The following PRKCA variants were observed in gnomAD, a reference collection of about 807,000 sequenced individuals.
The protein encoded by PRKCA is protein kinase C alpha, also known as protein kinase C alpha type.
Under a neutral mutation model 87.0 loss-of-function variants are expected in PRKCA, and 27 were observed. The observed-to-expected ratio is 0.31, with a 90% CI of 0.23 to 0.43. The LOEUF is 0.43. PRKCA is among the 20% of genes least tolerant of loss of function. PRKCA has a pLI of 1.00. For synonymous variants in PRKCA, 329 were observed against 311.1 expected (o/e 1.06, Z -0.61); for missense variants, 518 against 852.3 (o/e 0.61, Z 4.88).
chr17:66,550,434 T>TG (rs1279245312), intron 3 of PRKCA, among the ~76,000 whole-genome samples: 2 of 152,164 alleles, frequency 1.3e-5, no homozygotes, highest in Non-Finnish European at 2.9e-5. Context: ...GTAGATCACC[T>TG]GAGTTCAGGA....
chr17:66,784,229 G>A (rs977648123), intron 14 of PRKCA, among the ~76,000 whole-genome samples: 5 of 151,982 alleles, frequency 3.3e-5, no homozygotes, highest in Non-Finnish European at 7.4e-5. Context: ...TGCAGGCCAC[G>A]CCCTCAGCAG....
In PRKCA at chr17:66,803,901, A is replaced by G; in HGVS notation, c.1883A>G (p.Lys628Arg). 3 of 1,613,886 alleles carry G rather than the reference A, an allele frequency of 1.9e-6. No homozygotes were observed. Among genetic ancestry groups the G allele is most frequent in the Non-Finnish European group, 2.5e-6 (3 of 1,179,864 alleles). ...GGCAAAGGAGCAGAGAACTTTGACA[A>G]GTTCTTCACACGAGGACAGCCCGTC... is the stretch of plus-strand genomic sequence containing the variant. Reference protein sequence around the residue: ...VCGKGAENFDKFFTRGQPVLT... With the variant: ...VCGKGAENFDRFFTRGQPVLT... Residue 628 changes from lysine (K) to arginine (R), a missense_variant, in exon 17 of 17, where the codon AAG becomes AGG. Around this residue, in one of 5 missense-constraint regions of PRKCA, gnomAD observed 159 missense variants for 232.4 expected, o/e 0.68. Transcript: ENST00000413366. This position sits in a 1 kb window ranked among gnomAD's most constrained non-coding sequence, Gnocchi z 4.4.
At chr17:66,381,132 G>T (rs1192924880) in intron 2 of PRKCA, among the ~76,000 whole-genome samples, 2 of 151,870 alleles carry the variant, frequency 1.3e-5, no homozygotes, top group Non-Finnish European at 2.9e-5. Flanking sequence ...TGTAGAGCTG[G>T]GGTCTCGCTA....
chr17:66,438,377 C>T (rs1209040411), intron 2 of PRKCA, among the ~76,000 whole-genome samples: 1 of 152,094 alleles, frequency 6.6e-6, no homozygotes, highest in African/African-American at 2.4e-5. Context: ...GACACGTGCC[C>T]TTGTGAAATG....
In PRKCA at chr17:66,786,944, G is replaced by A; in HGVS notation, c.1683G>A (p.Leu561=). 6.2e-7 allele frequency: 1 copy of A among 1,613,636 alleles called. No homozygotes were observed. Among genetic ancestry groups the A allele is most frequent in the Non-Finnish European group, 8.5e-7 (1 of 1,179,574 alleles). ...MEHNVSYPKS[L]SKEAVSVCKG... ...ACAACGTTTCCTATCCAAAATCCTT[G>A]TCCAAGGAGGCTGTTTCTGTCTGCA... Residue 561 remains leucine, a synonymous_variant, in exon 15 of 17, where the codon TTG becomes TTA. Transcript: ENST00000413366.
At chr17:66,588,536 T>C (rs1393679310) in intron 3 of PRKCA, among the ~76,000 whole-genome samples, 5 of 152,038 alleles carry the variant, frequency 3.3e-5, no homozygotes, top group Non-Finnish European at 7.4e-5. Flanking sequence ...TGAGACAAGT[T>C]GGTGGTGTGT....
intron 13 of PRKCA, among the ~76,000 whole-genome samples, chr17:66,751,351 T>A (rs1035540545): frequency 1.7e-4 from 26 of 152,214 alleles, no homozygotes; most frequent in Non-Finnish European, 3.4e-4. Context: ...AGATGGCACA[T>A]GGCAGGGGCA....
At chr17:66,801,017 T>C (rs4791036) in intron 16 of PRKCA, among the ~76,000 whole-genome samples, 29,466 of 152,170 alleles carry the variant, frequency 0.19, 4,309 homozygotes, top group African/African-American at 0.41. Context: ...CAATAAGCAT[T>C]GATGAATCAG....
At chr17:66,737,745 CG>C (rs1444297980) in intron 10 of PRKCA, among the ~76,000 whole-genome samples, 2 of 152,202 alleles carry the variant, frequency 1.3e-5, no homozygotes, top group Non-Finnish European at 2.9e-5. Context: ...AATCAAGTCA[CG>C]CCAGGGAGAG....
chr17:66,549,513 C>G (rs975923045), intron 3 of PRKCA, among the ~76,000 whole-genome samples: 16 of 152,140 alleles, frequency 1.1e-4, no homozygotes, highest in African/African-American at 3.6e-4. Context: ...GGCCACGGGA[C>G]GGGAATGACA....
chr17:66,731,351 GA>G (rs5821509), intron 8 of PRKCA, among the ~76,000 whole-genome samples: 54,372 of 112,294 alleles, frequency 0.48, 12,952 homozygotes, highest in Non-Finnish European at 0.58. Context: ...CTCCGTCTCA[GA>G]AAAAAAAAAA....
intron 2 of PRKCA, among the ~76,000 whole-genome samples, chr17:66,410,224 A>G (rs1020362733): frequency 8.9e-5 from 13 of 146,368 alleles, no homozygotes; most frequent in Non-Finnish European, 1.4e-4. Flanking sequence ...TTTTTTGATT[A>G]ATGATTTTTT....
intron 2 of PRKCA, among the ~76,000 whole-genome samples, chr17:66,358,479 T>C (rs72846612): frequency 0.045 from 6,793 of 152,166 alleles, 233 homozygotes; most frequent in Admixed American, 0.078. Context: ...CATGTGTGAA[T>C]TAATAGATGG....
intron 16 of PRKCA, among the ~76,000 whole-genome samples, chr17:66,791,885 G>A (rs1196019282): frequency 6.6e-6 from 1 of 152,264 alleles, no homozygotes; most frequent in African/African-American, 2.4e-5. Flanking sequence ...GGTGAAAAAT[G>A]TACTGTAGTT....
chr17:66,656,887 G>A (rs1971748572), intron 5 of PRKCA, among the ~76,000 whole-genome samples: 1 of 152,242 alleles, frequency 6.6e-6, no homozygotes, highest in African/African-American at 2.4e-5. Context: ...CTGTCCTATG[G>A]TCCTTTTCAA....
intron 2 of PRKCA, among the ~76,000 whole-genome samples, chr17:66,365,521 T>C (rs1445858386): frequency 6.6e-6 from 1 of 152,232 alleles, no homozygotes; most frequent in Non-Finnish European, 1.5e-5. Context: ...GGCTTCCCTT[T>C]ACTGATGATT....
chr17:66,583,808 G>C (rs932743510), intron 3 of PRKCA, among the ~76,000 whole-genome samples: 1 of 152,302 alleles, frequency 6.6e-6, no homozygotes, highest in Non-Finnish European at 1.5e-5. Context: ...GCCTGAAGCT[G>C]TTACAGTCTG....
intron 4 of PRKCA, among the ~76,000 whole-genome samples, chr17:66,642,971 C>T (rs572296616): frequency 2.4e-4 from 37 of 152,164 alleles, no homozygotes; most frequent in Admixed American, 1.6e-3. Context: ...ACCCAGGAGG[C>T]GGCGGTTGCT....
chr17:66,530,325 A>G (rs1967495613), intron 3 of PRKCA, among the ~76,000 whole-genome samples: 2 of 152,240 alleles, frequency 1.3e-5, no homozygotes, highest in South Asian at 4.1e-4. Context: ...ATATATGCAT[A>G]CATGGATGGC....
Sources: gnomAD v4.1 joint callset for allele counts (sites outside exome capture counted in the v4.1 genomes callset) on GRCh38, gnomAD v4.1.1 for gene constraint, gnomAD v4.1.1 regional missense constraint, Gnocchi (gnomAD v3.1) non-coding constraint, MANE v1.5 for transcripts, NCBI Gene and HGNC (gene_info 2026-07-23, HGNC 2026-07-21) for gene names.